Variants in NOB1 observed in about 807,000 individuals in gnomAD.
NOB1 encodes the protein RNA-binding protein NOB1.
A neutral mutation model predicts 44.8 loss-of-function variants in NOB1; 44 were observed. The ratio of observed to expected loss-of-function variants is 0.98; its 90% confidence interval spans 0.77 to 1.26. NOB1 has a LOEUF of 1.26. Ranked by LOEUF, NOB1 falls within the 50% of genes most tolerant of loss-of-function variation. The pLI is 0.00. For missense variants in NOB1, 560 were observed against 544.8 expected (o/e 1.03, Z -0.28); for synonymous variants, 238 against 218.7 (o/e 1.09, Z -0.78).
At position 69,752,298 on chromosome 16, in the gene NOB1, T is replaced by A. The variant is rs778835164; in HGVS notation, c.270A>T (p.Thr90=). 16 of 1,613,808 alleles carry A rather than the reference T, an allele frequency of 9.9e-6. No individual in the cohort carries two copies. Among genetic ancestry groups the A allele is most frequent in the Non-Finnish European group, 1.4e-5 (16 of 1,179,952 alleles). ...CAACAAACTCTGCTTCCAACTGGTA[T>A]GTGAGTGCAAGCACTTGGATGTCCG... The part of the protein sequence containing the change: ...SATDIQVLAL[T]YQLEAEFVGV... The change falls in exon 3 of 9, where the codon ACA becomes ACT. Residue 90 remains threonine (T), a synonymous_variant. Transcript: ENST00000268802.
chr16:69,748,265 C>T lies in NOB1; in HGVS notation c.791G>A (p.Arg264Gln), dbSNP rs775577759. The change falls in exon 7 of 9, where the codon CGG (arginine) becomes CAG (glutamine). Residue 264 changes from arginine to glutamine, a missense_variant. Arg to Gln is a conservative substitution (Grantham distance 43). Coordinates refer to ENST00000268802, the MANE Select transcript of NOB1 (RefSeq NM_014062.3). ...AVNGMLIREA[R>Q]SYILRCHGCF... ...GCCATGGCAGCGCAAGATGTAGCTC[C>T]GGGCCTCACGAATCAGCATGCCGTT... 18 of 1,613,922 alleles carry T rather than the reference C, an allele frequency of 1.1e-5. No individual in the cohort carries two copies. The African/African-American group carries it at 1.6e-4, about 14-fold the overall frequency.
In NOB1 at chr16:69,746,774, G is replaced by A. The variant is rs574223965; in HGVS notation, c.824+1458C>T. Among the ~76,000 whole-genome samples, 5 of 152,254 alleles carry A rather than the reference G, an allele frequency of 3.3e-5. No homozygotes were observed. In the East Asian group the frequency reaches 7.7e-4, roughly 23 times the overall value. ...TACAAAAAGTTAGCCAGATGTGGTG[G>A]CGGGTGCCTGTAGTCCCAGCTACTC... On this transcript the variant is annotated intron_variant, in intron 7 of 8. Transcript: ENST00000268802.
intron 7 of NOB1, among the ~76,000 whole-genome samples, chr16:69,747,208 A>G: frequency 6.9e-6 from 1 of 145,624 alleles, no homozygotes; most frequent in South Asian, 2.3e-4. Context: ...GCAACAAGAG[A>G]GAAACCCTGT....
In NOB1 at chr16:69,742,136, C is replaced by T. The variant is rs113599518; in HGVS notation, c.*196G>A. 89 of 577,678 alleles carry T rather than the reference C, an allele frequency of 1.5e-4. 1 individual carries two copies. The highest frequency in any genetic ancestry group is 4.2e-4 in the South Asian group (14 of 33,406). The allele number at this position is 577,678 out of a possible 1,614,324, so 35.8% of individuals were successfully genotyped here. A position where few individuals can be genotyped will look rare whatever the true frequency, so the allele number is the denominator to read the frequency against. ...TGCACTTCCTTGGCAGGCAGCCAGG[C>T]GCTCCGGTGCTCACAGGCCATGGGA... On this transcript the variant is annotated 3_prime_UTR_variant, in exon 9 of 9. Coordinates refer to ENST00000268802, the MANE Select transcript of NOB1 (RefSeq NM_014062.3).
chr16:69,744,089 C>A (rs1597614343), intron 8 of NOB1, among the ~76,000 whole-genome samples: 1 of 152,212 alleles, frequency 6.6e-6, no homozygotes, highest in South Asian at 2.1e-4. Flanking sequence ...CTTTGGGAGG[C>A]TGAGGTGGGC....
chr16:69,748,351 G>A (rs775281084), intron 6 of NOB1, 22 bp from the exon 7 acceptor site: 11 of 1,592,214 alleles, frequency 6.9e-6, no homozygotes, highest in Non-Finnish European at 9.5e-6. Context: ...AGTTAAAGAA[G>A]AAATCAATTT....
chr16:69,749,706 G>A lies in NOB1; in HGVS notation c.328-76C>T, dbSNP rs560176546. 89 of 1,091,642 alleles carry A rather than the reference G, an allele frequency of 8.2e-5. No homozygotes were observed. The African/African-American group carries it at 8.3e-4, about 10-fold the overall frequency. 67.6% of individuals were successfully genotyped at this position (1,091,642 alleles called of 1,614,324 possible). A position where few individuals can be genotyped will look rare whatever the true frequency, so the allele number is the denominator to read the frequency against. The stretch of plus-strand genomic sequence containing the variant: ...CCAGTTTTTTTTTTTGGCCGGGCAC[G>A]ATGGCTCATGCCTGTAATCCCAGCA... On this transcript the variant is annotated intron_variant, in intron 3 of 8. Coordinates refer to ENST00000268802, the MANE Select transcript of NOB1 (RefSeq NM_014062.3).
chr16:69,744,734 C>CT (rs1299872146), intron 8 of NOB1, 139 bp downstream of exon 8: 11 of 939,482 alleles, frequency 1.2e-5, no homozygotes, highest in Admixed American at 2.5e-5. Context: ...GTCACACACT[C>CT]TCCCCACTCC....
At chr16:69,746,688 T>C (rs1597615559) in intron 7 of NOB1, among the ~76,000 whole-genome samples, 1 of 151,278 alleles carries the variant, frequency 6.6e-6, no homozygotes, top group East Asian at 2.0e-4. Context: ...GGCAGATCAC[T>C]TGAGCTCAGG....
At chr16:69,754,006 T>C (rs569650589) in intron 2 of NOB1, among the ~76,000 whole-genome samples, 9 of 152,326 alleles carry the variant, frequency 5.9e-5, no homozygotes, top group African/African-American at 1.4e-4. Flanking sequence ...GGTTTCACCA[T>C]GTTGGTCAGG....
chr16:69,750,612 C>G (rs1365568662), intron 3 of NOB1, among the ~76,000 whole-genome samples: 1 of 152,098 alleles, frequency 6.6e-6, no homozygotes, highest in Admixed American at 6.6e-5. Flanking sequence ...CAGGTGATGA[C>G]AGGATCCTGT....
At chr16:69,744,372 A>G (rs777844834) in intron 8 of NOB1, among the ~76,000 whole-genome samples, 9 of 152,346 alleles carry the variant, frequency 5.9e-5, no homozygotes, top group South Asian at 2.1e-4. Flanking sequence ...CAACTTTTCT[A>G]TAAGTTGAAA....
chr16:69,747,088 G>C (rs2038438070), intron 7 of NOB1, among the ~76,000 whole-genome samples: 1 of 151,504 alleles, frequency 6.6e-6, no homozygotes. Flanking sequence ...CAGGTGTGGT[G>C]GTGGGTGCCT....
chr16:69,747,511 C>T (rs2038443460), intron 7 of NOB1, among the ~76,000 whole-genome samples: 1 of 152,138 alleles, frequency 6.6e-6, no homozygotes, highest in African/African-American at 2.4e-5. Flanking sequence ...GCAGACAAAA[C>T]ACAACAAACC....
rs756767102 is a variant in NOB1 at position 69,742,467 on chromosome 16, G to A, written c.1104C>T (p.Ala368=). The change falls in exon 9 of 9, where the codon GCC becomes GCT. Residue 368 remains alanine, a synonymous_variant. Transcript: ENST00000268802. ...KTNVFAPDYI[A]GVSPFVENDI... ...CATTCTCGACAAAGGGTGACACCCC[G>A]GCGATGTAGTCAGGGGCGAACACGT... The A allele has an allele frequency of 1.5e-5, 25 of 1,614,108 alleles. No homozygotes were observed. The highest frequency in any genetic ancestry group is 1.9e-5 in the Non-Finnish European group (23 of 1,180,054).
At chr16:69,753,289 G>A (rs575929049) in intron 2 of NOB1, among the ~76,000 whole-genome samples, 1 of 152,278 alleles carries the variant, frequency 6.6e-6, no homozygotes, top group African/African-American at 2.4e-5. Context: ...ACTTGTAATT[G>A]TAGTAGTCTA....
chr16:69,742,600 T>C lies in NOB1; in HGVS notation c.971A>G (p.Tyr324Cys), dbSNP rs199696927. ...GCCCCCTTTGGGAGTGGGAAGCGAG[T>C]ACTGGAAATAAGACAAGGAAGGGCC... ...PKVLNPRGLRYSLPTPKGGKY... is the reference protein window; with the variant it reads ...PKVLNPRGLRCSLPTPKGGKY... The change falls in exon 9 of 9, where the codon TAC becomes TGC. Residue 324 changes from tyrosine to cysteine, a missense_variant and splice_region_variant. By Grantham distance (194) the Tyr-to-Cys change is radical. Transcript: ENST00000268802. 1 of 1,613,146 alleles carries C rather than the reference T, an allele frequency of 6.2e-7. No individual in the cohort carries two copies. The highest frequency in any genetic ancestry group is 1.7e-5 in the Admixed American group (1 of 59,918).
In NOB1 at chr16:69,754,657, G is replaced by T; in HGVS notation, c.133C>A (p.Arg45=). The part of the protein sequence containing the change: ...TEIRDKATRR[R]LAVLPYELRF... ...AGCTCGTAGGGCAGGACAGCGAGCC[G>T]CCTGCGTGTGGCCTTGTCCCGAATC... The change falls in exon 2 of 9, where the codon CGG becomes AGG. Residue 45 remains arginine, a synonymous_variant. Coordinates refer to ENST00000268802, the MANE Select transcript of NOB1 (RefSeq NM_014062.3). 6.2e-7 allele frequency: 1 copy of T among 1,614,174 alleles called. No homozygotes were observed. Among genetic ancestry groups the T allele is most frequent in the Non-Finnish European group, 8.5e-7 (1 of 1,180,040 alleles).
chr16:69,753,190 C>A (rs772134674), intron 2 of NOB1, among the ~76,000 whole-genome samples: 8 of 152,110 alleles, frequency 5.3e-5, no homozygotes, highest in Non-Finnish European at 1.2e-4. Flanking sequence ...CCACTGCACT[C>A]CAGGCTAGGC....
Sources: gnomAD v4.1 joint callset for allele counts (sites outside exome capture counted in the v4.1 genomes callset) on GRCh38, gnomAD v4.1.1 for gene constraint, MANE v1.5 for transcripts, NCBI Gene and HGNC (gene_info 2026-07-23, HGNC 2026-07-21) for gene names.